Variants in LRP2 observed in about 807,000 individuals in gnomAD.
LRP2 encodes the protein low-density lipoprotein receptor-related protein 2.
A neutral mutation model predicts 531.0 loss-of-function variants in LRP2; 172 were observed. That is an observed-to-expected ratio of 0.32 (90% CI 0.29 to 0.37). The LOEUF (loss-of-function observed/expected upper bound fraction) is 0.37. Among genes scored for constraint, LRP2 ranks in the 10% least tolerant of loss-of-function variants. The pLI is 1.00. For missense variants in LRP2, 5,167 were observed against 5,868.3 expected, an observed-to-expected ratio of 0.88 and a Z score of 3.90; for synonymous variants, 1,992 against 2,027.6, an observed-to-expected ratio of 0.98 and a Z score of 0.47.
chr2:169,157,626 G>T, intron 63 of LRP2, 124 bp from the exon 64 acceptor site: 1 of 1,061,084 alleles, frequency 9.4e-7, no homozygotes, highest in Non-Finnish European at 1.4e-6. Context: ...CTTTCCATAA[G>T]CCTTGGAGAG....
intron 21 of LRP2, among the ~76,000 whole-genome samples, chr2:169,245,774 C>A (rs1689982843): frequency 6.6e-6 from 1 of 152,112 alleles, no homozygotes; most frequent in Non-Finnish European, 1.5e-5. Flanking sequence ...ATGAGATTTT[C>A]CAAAGGCTAT....
chr2:169,163,489 A>G (rs1039200624), intron 62 of LRP2, among the ~76,000 whole-genome samples: 16 of 152,138 alleles, frequency 1.1e-4, no homozygotes, highest in African/African-American at 3.4e-4. Context: ...CTGCCCATCT[A>G]TTTTTCTACA....
chr2:169,278,021 G>T, intron 12 of LRP2, 70 bp from the exon 13 acceptor site: 1 of 1,269,030 alleles, frequency 7.9e-7, no homozygotes, highest in Non-Finnish European at 1.1e-6. Flanking sequence ...TTTTTTAACA[G>T]TGTGTTTGGA....
intron 16 of LRP2, among the ~76,000 whole-genome samples, chr2:169,263,257 A>G (rs1414963073): frequency 1.3e-5 from 2 of 152,174 alleles, no homozygotes; most frequent in Admixed American, 6.5e-5. Context: ...GATCTAATTA[A>G]ACTAAAGAGC....
Position 169,309,305 on chromosome 2 carries a change from A to G in LRP2, c.311-1908T>C, listed in dbSNP as rs748341118. Among the ~76,000 whole-genome samples, 162 of 152,282 alleles carry G rather than the reference A, an allele frequency of 1.1e-3. 1 individual carries two copies. Among genetic ancestry groups the G allele is most frequent in the Non-Finnish European group, 2.2e-4 (15 of 68,020 alleles). ...AGACATGAAGTCCTTGCCCATGTCT[A>G]TGTCCTGAATGGTATTGCCTAGGTT... is the stretch of plus-strand genomic sequence containing the variant. On this transcript the variant is annotated intron_variant, in intron 3 of 78. Transcript: ENST00000649046.
At chr2:169,230,210 T>C (rs899570437) in intron 31 of LRP2, among the ~76,000 whole-genome samples, 3 of 152,244 alleles carry the variant, frequency 2.0e-5, no homozygotes, top group Non-Finnish European at 2.9e-5. Flanking sequence ...GAAAGAATGC[T>C]TTGTATCCGA....
At chr2:169,139,133 G>T in intron 74 of LRP2, 118 bp downstream of exon 74, 2 of 1,452,780 alleles carry the variant, frequency 1.4e-6, no homozygotes, top group Admixed American at 3.4e-5. Flanking sequence ...TTGTTTCTGT[G>T]GAATCGGTGA....
intron 1 of LRP2, among the ~76,000 whole-genome samples, chr2:169,324,709 T>G (rs1212311073): frequency 6.6e-6 from 1 of 151,482 alleles, no homozygotes; most frequent in African/African-American, 2.4e-5. Flanking sequence ...GGACTAAGAA[T>G]GTGTTAAGAT....
intron 76 of LRP2, among the ~76,000 whole-genome samples, chr2:169,135,449 T>A (rs979891934): frequency 1.3e-5 from 2 of 152,184 alleles, no homozygotes; most frequent in Non-Finnish European, 2.9e-5. Flanking sequence ...CTGTCAGACA[T>A]AATTCCTCGG....
chr2:169,181,855 A>C (rs1184118541), intron 51 of LRP2, among the ~76,000 whole-genome samples: 7 of 152,238 alleles, frequency 4.6e-5, no homozygotes, highest in African/African-American at 1.2e-4. Context: ...ACTGGATTTC[A>C]GTGGCTTTGA....
chr2:169,284,256 C>CTTTTTTTTTTTTTTTTTTT (rs1216987363), intron 9 of LRP2, among the ~76,000 whole-genome samples: 21 of 96,650 alleles, frequency 2.2e-4, no homozygotes, highest in African/African-American at 4.0e-4. Context: ...TCTTTTTTTT[C>CTTTTTTTTTTTTTTTTTTT]TTTTTTTTTT....
intron 16 of LRP2, among the ~76,000 whole-genome samples, chr2:169,265,365 C>T (rs1690758520): frequency 6.6e-6 from 1 of 152,060 alleles, no homozygotes; most frequent in Non-Finnish European, 1.5e-5. Flanking sequence ...TCCACATGTA[C>T]AGACTTTTGG....
rs1689674986 is a variant in LRP2 at position 169,238,206 on chromosome 2, T to C, written c.4391A>G (p.Asn1464Ser). The change falls in exon 27 of 79, where the codon AAT becomes AGT. Residue 1464 changes from asparagine (N) to serine (S), a missense_variant. Around this residue, in one of 6 missense-constraint regions of LRP2, gnomAD observed 2,811 missense variants for 3,058.0 expected, o/e 0.92. Coordinates refer to ENST00000649046, the MANE Select transcript of LRP2 (RefSeq NM_004525.3). ...ATCAACAGCTACAATGTAAGAACCA[T>C]TCTCGACCAATGAATAGATATTGTG... ...QVHNIYSLVE[N>S]GSYIVAVDFD... is the part of the protein sequence containing the mutation. The C allele has an allele frequency of 6.2e-7, 1 of 1,614,188 alleles. No homozygotes were observed. The highest frequency in any genetic ancestry group is 8.5e-7 in the Non-Finnish European group (1 of 1,179,992).
intron 16 of LRP2, among the ~76,000 whole-genome samples, chr2:169,270,300 T>G (rs1438887443): frequency 1.3e-5 from 2 of 152,152 alleles, no homozygotes; most frequent in Non-Finnish European, 2.9e-5. Flanking sequence ...TAAAGACACA[T>G]GCTCACGTAT....
At chr2:169,258,544 GTCTT>G (rs1298623553) in intron 17 of LRP2, among the ~76,000 whole-genome samples, 1 of 152,136 alleles carries the variant, frequency 6.6e-6, no homozygotes, top group African/African-American at 2.4e-5. Flanking sequence ...GAACTCTTCT[GTCTT>G]TCCTTGTCTG....
Position 169,239,592 on chromosome 2 carries a change from G to A in LRP2, c.4229C>T (p.Ser1410Phe). The A allele has an allele frequency of 6.2e-7, 1 of 1,614,108 alleles. No homozygotes were observed. The highest frequency in any genetic ancestry group is 8.5e-7 in the Non-Finnish European group (1 of 1,179,974). The change falls in exon 26 of 79, where the codon TCT becomes TTT. Residue 1410 changes from serine (S) to phenylalanine (F), a missense_variant. By Grantham distance (155) the Ser-to-Phe change is radical. Transcript: ENST00000649046. ...GCCTGTATCACACGAGCACCGGAAA[G>A]AACCTCTCATATTGTAACAGTGCTG... ...CSQHCYNMRG[S>F]FRCSCDTGYM... is the part of the protein sequence containing the mutation.
At chr2:169,310,269 G>A (rs1684555674) in intron 3 of LRP2, among the ~76,000 whole-genome samples, 1 of 152,176 alleles carries the variant, frequency 6.6e-6, no homozygotes. Flanking sequence ...TGTTGAATAA[G>A]AGTGGTGACA....
At chr2:169,359,737 G>A (rs892565321) in intron 1 of LRP2, among the ~76,000 whole-genome samples, 1 of 152,184 alleles carries the variant, frequency 6.6e-6, no homozygotes, top group African/African-American at 2.4e-5. Flanking sequence ...GAAGCAGCAG[G>A]TGGTACGAGT....
At position 169,127,749 on chromosome 2, in the gene LRP2, G is replaced by A. The variant is rs1056288545; in HGVS notation, c.*914C>T. 1.4e-5 allele frequency: 1 copy of A among 72,402 alleles called. No homozygotes were observed. Among genetic ancestry groups the A allele is most frequent in the Non-Finnish European group, 3.4e-5 (1 of 29,660 alleles). 4.5% of individuals were successfully genotyped at this position (72,402 alleles called of 1,614,324 possible). A position where few individuals can be genotyped will look rare whatever the true frequency, so the allele number is the denominator to read the frequency against. ...AACCCAGTTGAGGCTTTACTTAACT[G>A]GTATTTTTTTTTTTTGCACCTTATT... On this transcript the variant is annotated 3_prime_UTR_variant, in exon 79 of 79. Coordinates refer to ENST00000649046, the MANE Select transcript of LRP2 (RefSeq NM_004525.3).
Sources: gnomAD v4.1 joint callset for allele counts (sites outside exome capture counted in the v4.1 genomes callset) on GRCh38, gnomAD v4.1.1 for gene constraint, gnomAD v4.1.1 regional missense constraint, MANE v1.5 for transcripts, NCBI Gene and HGNC (gene_info 2026-07-23, HGNC 2026-07-21) for gene names.